LRP2: variants seen among roughly 807,000 people sequenced by gnomAD.
The protein encoded by LRP2 is low-density lipoprotein receptor-related protein 2.
LRP2 carries 172 observed loss-of-function variants against 531.0 expected under a neutral mutation model. The ratio of observed to expected loss-of-function variants is 0.32; its 90% CI spans 0.29 to 0.37. The LOEUF is 0.37. Ranked by LOEUF, LRP2 falls within the 10% of genes least tolerant of loss-of-function variation. The pLI, the probability that LRP2 is intolerant of heterozygous loss-of-function variation, is 1.00. For synonymous variants in LRP2, 1,992 were observed against 2,027.6 expected (o/e 0.98, Z 0.47); for missense variants, 5,167 against 5,868.3 (o/e 0.88, Z 3.90).
intron 48 of LRP2, among the ~76,000 whole-genome samples, 160 bp from the exon 49 acceptor site, chr2:169,188,425 G>A (rs1006382513): frequency 5.3e-5 from 8 of 151,862 alleles, no homozygotes; most frequent in Admixed American, 4.6e-4. Context: ...CATCATCTTC[G>A]TCTACCCCAC....
At chr2:169,195,112 C>T (rs7557964) in intron 46 of LRP2, among the ~76,000 whole-genome samples, 61,094 of 151,944 alleles carry the variant, frequency 0.4, 15,097 homozygotes, top group African/African-American at 0.7. Flanking sequence ...AGGATGTTCA[C>T]CCTGACACTG....
At position 169,233,518 on chromosome 2, in the gene LRP2, C is replaced by G; in HGVS notation, c.4991G>C (p.Arg1664Pro). Residue 1664 changes from arginine (R) to proline (P), a missense_variant, in exon 30 of 79, where the codon CGG (arginine) becomes CCG (proline). Physicochemically the swap from Arg to Pro is moderately radical, Grantham distance 103. This residue lies in a region of LRP2 where 2,811 missense variants were observed against 3,058.0 expected (regional missense o/e 0.92). Coordinates refer to ENST00000649046, the MANE Select transcript of LRP2 (RefSeq NM_004525.3). ...ATGCCACTTGTTGGCTCGCATAACC[C>G]GACGAGTAGCACGGTCAGTCCAGTA... ...SVYWTDRATR[R>P]VMRANKWHGG... 6.2e-7 allele frequency: 1 copy of G among 1,614,066 alleles called. No individual in the cohort carries two copies. Among genetic ancestry groups the G allele is most frequent in the Non-Finnish European group, 8.5e-7 (1 of 1,180,024 alleles).
intron 16 of LRP2, among the ~76,000 whole-genome samples, chr2:169,262,881 C>T (rs544211289): frequency 2.2e-4 from 34 of 152,282 alleles, no homozygotes; most frequent in Non-Finnish European, 4.6e-4. Context: ...CAGCATGGTA[C>T]TGGTACCAAA....
chr2:169,298,844 A>T (rs1172296767), intron 4 of LRP2, among the ~76,000 whole-genome samples: 1 of 151,880 alleles, frequency 6.6e-6, no homozygotes, highest in African/African-American at 2.4e-5. Context: ...AGTTAGTCTC[A>T]TGAAGGTACC....
At chr2:169,140,923 C>T (rs926966344) in intron 71 of LRP2, among the ~76,000 whole-genome samples, 1 of 152,146 alleles carries the variant, frequency 6.6e-6, no homozygotes, top group East Asian at 1.9e-4. Context: ...TTAATGTAGG[C>T]CCACCTTGAA....
chr2:169,247,266 A>C (rs1190408887), intron 20 of LRP2, 112 bp downstream of exon 20: 1 of 1,162,724 alleles, frequency 8.6e-7, no homozygotes, highest in Non-Finnish European at 1.2e-6. Flanking sequence ...AGAATATAAA[A>C]CTACCAGGAG....
chr2:169,251,629 A>T (rs1457819036), intron 19 of LRP2, among the ~76,000 whole-genome samples: 1 of 59,328 alleles, frequency 1.7e-5, no homozygotes, highest in Non-Finnish European at 2.8e-5. Context: ...AAGGCAAGAA[A>T]TAACTAAAAT....
intron 66 of LRP2, 97 bp from the exon 67 acceptor site, chr2:169,153,061 A>C: frequency 9.7e-7 from 1 of 1,028,704 alleles, no homozygotes; most frequent in Non-Finnish European, 1.5e-6. Context: ...GTTTATTGAC[A>C]TCTCTACCTC....
At chr2:169,202,986 T>C (rs2105327746) in intron 42 of LRP2, 27 bp from the exon 43 acceptor site, 1 of 1,600,582 alleles carries the variant, frequency 6.2e-7, no homozygotes, top group South Asian at 1.1e-5. Flanking sequence ...CCAGAAGAAG[T>C]AAAAGATGGA....
At chr2:169,281,217 T>A (rs184829029) in intron 10 of LRP2, among the ~76,000 whole-genome samples, 1 of 151,058 alleles carries the variant, frequency 6.6e-6, no homozygotes, top group Admixed American at 6.6e-5. Flanking sequence ...AAGTCAGGAG[T>A]TCGAGATCAG....
At chr2:169,178,073 C>T (rs753605989) in intron 52 of LRP2, 47 bp from the exon 53 acceptor site, 26 of 1,317,330 alleles carry the variant, frequency 2.0e-5, no homozygotes, top group Non-Finnish European at 2.6e-5. Flanking sequence ...TAATTCCTCT[C>T]CTCTAATGTC....
At chr2:169,185,374 A>G in intron 50 of LRP2, 129 bp downstream of exon 50, 1 of 831,106 alleles carries the variant, frequency 1.2e-6, no homozygotes, top group South Asian at 1.6e-5. Context: ...AGCAGAAAAT[A>G]AACCTGCAGA....
chr2:169,333,667 T>C (rs1685325917), intron 1 of LRP2, among the ~76,000 whole-genome samples: 2 of 152,212 alleles, frequency 1.3e-5, no homozygotes, highest in Admixed American at 1.3e-4. Flanking sequence ...ATCATTGCCT[T>C]GTAAATCTGT....
chr2:169,178,594 T>A (rs1348251648), intron 52 of LRP2, among the ~76,000 whole-genome samples: 1 of 152,194 alleles, frequency 6.6e-6, no homozygotes, highest in Non-Finnish European at 1.5e-5. Context: ...TTATTATTAA[T>A]CGTGCCATGG....
intron 67 of LRP2, among the ~76,000 whole-genome samples, chr2:169,152,529 A>G (rs1686181521): frequency 6.6e-6 from 1 of 152,218 alleles, no homozygotes. Context: ...TATCCTAGAT[A>G]TAATATCTAT....
intron 16 of LRP2, among the ~76,000 whole-genome samples, chr2:169,269,201 G>A (rs1370575387): frequency 6.6e-6 from 1 of 152,154 alleles, no homozygotes; most frequent in Non-Finnish European, 1.5e-5. Flanking sequence ...TAGATTCAAT[G>A]CCATCCCCAT....
intron 3 of LRP2, among the ~76,000 whole-genome samples, chr2:169,308,096 T>A (rs1684476795): frequency 6.6e-6 from 1 of 152,168 alleles, no homozygotes; most frequent in South Asian, 2.1e-4. Context: ...CCTGGGATTT[T>A]AAATTGTCTA....
At position 169,181,572 on chromosome 2, in the gene LRP2, C is replaced by T. The variant is rs749180265; in HGVS notation, c.10045G>A (p.Val3349Ile). The T allele has an allele frequency of 6.2e-7, 1 of 1,614,178 alleles. No individual in the cohort carries two copies. The highest frequency in any genetic ancestry group is 1.1e-5 in the South Asian group (1 of 91,082). Residue 3349 changes from valine to isoleucine, a missense_variant, in exon 52 of 79, where the codon GTA (valine) becomes ATA (isoleucine). Coordinates refer to ENST00000649046, the MANE Select transcript of LRP2 (RefSeq NM_004525.3). ...DWGHRAYIGR[V>I]GMDGTNKSVI... is the part of the protein sequence containing the mutation. The stretch of plus-strand genomic sequence containing the variant: ...GACTTGTTGGTTCCATCCATGCCTA[C>T]TCTCCCAATGTATGCGCGGTGACCC...
intron 1 of LRP2, among the ~76,000 whole-genome samples, chr2:169,338,632 A>G (rs1685485750): frequency 6.6e-6 from 1 of 152,216 alleles, no homozygotes; most frequent in South Asian, 2.1e-4. Flanking sequence ...TTATTTCTCC[A>G]AGTATAACAG....
Sources: allele counts gnomAD v4.1 joint callset (sites outside exome capture counted in the v4.1 genomes callset), GRCh38; gene constraint gnomAD v4.1.1; regional missense constraint gnomAD v4.1.1; transcripts MANE v1.5; gene names NCBI Gene and HGNC (gene_info 2026-07-23, HGNC 2026-07-21).